GABRA4: variants seen among roughly 807,000 people sequenced by gnomAD.
GABRA4 encodes gamma-aminobutyric acid receptor subunit alpha-4.
GABRA4 carries 12 observed loss-of-function variants against 49.7 expected under a neutral mutation model. The observed-to-expected ratio is 0.24, with a 90% CI of 0.15 to 0.39. GABRA4 has a LOEUF of 0.39. Ranked by LOEUF, GABRA4 falls within the 10% of genes least tolerant of loss-of-function variation. The pLI is 1.00. For synonymous variants in GABRA4, 288 were observed against 240.2 expected (o/e 1.20, Z -1.84); for missense variants, 506 against 686.0 (o/e 0.74, Z 2.93).
In GABRA4 at chr4:46,927,119, T is replaced by C. The variant is rs1721257633; in HGVS notation, c.*1106A>G. 6.6e-6 allele frequency: 1 copy of C among 152,010 alleles called. No homozygotes were observed. Among genetic ancestry groups the C allele is most frequent in the Admixed American group, 6.6e-5 (1 of 15,232 alleles). 9.4% of individuals were successfully genotyped at this position (152,010 alleles called of 1,614,324 possible). A position where few individuals can be genotyped will look rare whatever the true frequency, so the allele number is the denominator to read the frequency against. On this transcript the variant is annotated 3_prime_UTR_variant, in exon 9 of 9. Transcript: ENST00000264318. ...GTGATTCTGATCAAATTCTACTCTG[T>C]GACTCTGATCAAATTTGCGACAGTT...
chr4:46,967,734 AT>A (rs1322103032), intron 7 of GABRA4, among the ~76,000 whole-genome samples: 2 of 151,682 alleles, frequency 1.3e-5, no homozygotes, highest in African/African-American at 4.8e-5. Context: ...ATTTTAAAAA[AT>A]ATATCCAATT....
chr4:46,952,318 A>G (rs950087586), intron 8 of GABRA4, among the ~76,000 whole-genome samples: 15 of 152,126 alleles, frequency 9.9e-5, no homozygotes, highest in Non-Finnish European at 2.2e-4. Flanking sequence ...AGTCAAGTAA[A>G]GAATCTAGGA....
intron 8 of GABRA4, among the ~76,000 whole-genome samples, chr4:46,953,982 C>G (rs1242939723): frequency 1.3e-5 from 2 of 152,048 alleles, no homozygotes; most frequent in African/African-American, 4.8e-5. Context: ...CTATGTAATT[C>G]TGGGCAAATC....
intron 8 of GABRA4, among the ~76,000 whole-genome samples, chr4:46,956,735 A>T (rs1472085313): frequency 6.6e-6 from 1 of 152,082 alleles, no homozygotes; most frequent in Non-Finnish European, 1.5e-5. Context: ...CAGGTAAAAA[A>T]AATTGCCATC....
chr4:46,920,169 G>A lies in GABRA4; in HGVS notation c.*8056C>T, dbSNP rs1267131778. 1 of 151,644 alleles carries A rather than the reference G, an allele frequency of 6.6e-6. No individual in the cohort carries two copies. Among genetic ancestry groups the A allele is most frequent in the African/African-American group, 2.4e-5 (1 of 41,404 alleles). The allele number at this position is 151,644 out of a possible 1,614,324, so 9.4% of individuals were successfully genotyped here. On this transcript the variant is annotated 3_prime_UTR_variant, in exon 9 of 9. Coordinates refer to ENST00000264318, the MANE Select transcript of GABRA4 (RefSeq NM_000809.4). The stretch of plus-strand genomic sequence containing the variant: ...TTAACTGAAATGCTATACATTGTCT[G>A]TTATCAGAGCTTCTTTTACTTCCCT...
At chr4:46,976,354 CAAAAAAAAAA>C (rs71193888) in intron 5 of GABRA4, among the ~76,000 whole-genome samples, 5 of 51,758 alleles carry the variant, frequency 9.7e-5, no homozygotes, top group East Asian at 7.3e-4. Context: ...CACCCATTCT[CAAAAAAAAAA>C]AAAAAAAAAA....
chr4:46,935,496 C>T lies in GABRA4; in HGVS notation c.1135-6741G>A, dbSNP rs549922133. 8.9e-4 allele frequency among the ~76,000 whole-genome samples: 135 copies of T among 152,090 alleles called. 1 individual carries two copies. In the Middle Eastern group the frequency reaches 0.024, roughly 27 times the overall value. ...GATATGTCACAGAAATAAATAATTA[C>T]GGGAAACAAAATTTTAGAAGACAAT... is the stretch of plus-strand genomic sequence containing the variant. On this transcript the variant is annotated intron_variant, in intron 8 of 8. Transcript: ENST00000264318.
chr4:46,971,334 A>C, intron 6 of GABRA4, 99 bp from the exon 7 acceptor site: 2 of 1,099,368 alleles, frequency 1.8e-6, no homozygotes, highest in Non-Finnish European at 2.7e-6. Flanking sequence ...GATTCTAAGG[A>C]AAGAAATTCT....
Position 46,928,409 on chromosome 4 carries a change from C to T in GABRA4, c.1481G>A (p.Gly494Glu). The T allele has an allele frequency of 1.2e-6, 2 of 1,613,630 alleles. No individual in the cohort carries two copies. Among genetic ancestry groups the T allele is most frequent in the Non-Finnish European group, 8.5e-7 (1 of 1,179,688 alleles). ...AGTAGCTGACAACTTCCCAGTAGCC[C>T]CTATGGTATTAACTGTGGTCTTTAT... The part of the protein sequence containing the change: ...QRIKTTVNTI[G>E]ATGKLSATPP... The change falls in exon 9 of 9, where the codon GGG (glycine) becomes GAG (glutamate). Residue 494 changes from glycine (G) to glutamate (E), a missense_variant. Gly to Glu is a moderately conservative substitution (Grantham distance 98). Transcript: ENST00000264318.
intron 8 of GABRA4, among the ~76,000 whole-genome samples, chr4:46,930,671 A>G (rs970359974): frequency 1.3e-5 from 2 of 151,850 alleles, no homozygotes; most frequent in African/African-American, 2.4e-5. Flanking sequence ...GTTGCATACC[A>G]TCTTCTTCTT....
At chr4:46,963,933 C>A (rs1198112938) in intron 8 of GABRA4, among the ~76,000 whole-genome samples, 1 of 151,830 alleles carries the variant, frequency 6.6e-6, no homozygotes, top group Admixed American at 6.6e-5. Flanking sequence ...GAAAGGAAAT[C>A]AGTATATCAG....
rs1722191105 is a variant in GABRA4, at chr4:46,952,013, AT to A, written c.1134+12956del. ...CAACAAAAAGCAATTAAAAGTATTT[AT>A]TTTTTAAAAGCTTGTTTTAGCCAAC... On this transcript the variant is annotated intron_variant, in intron 8 of 8. Coordinates refer to ENST00000264318, the MANE Select transcript of GABRA4 (RefSeq NM_000809.4). Among the ~76,000 whole-genome samples, 5 of 152,156 alleles carry A rather than the reference AT, an allele frequency of 3.3e-5. No individual in the cohort carries two copies. The South Asian group carries it at 1.0e-3, about 32-fold the overall frequency.
chr4:46,979,125 G>GA (rs1411818655), intron 2 of GABRA4, 27 bp from the exon 3 acceptor site: 3 of 1,437,412 alleles, frequency 2.1e-6, no homozygotes, highest in Non-Finnish European at 2.9e-6. Flanking sequence ...AAATAAGTGT[G>GA]AAAAAATAAT....
intron 7 of GABRA4, among the ~76,000 whole-genome samples, 195 bp from the exon 8 acceptor site, chr4:46,965,424 A>G (rs1004672017): frequency 1.3e-5 from 2 of 151,874 alleles, no homozygotes; most frequent in African/African-American, 4.8e-5. Flanking sequence ...TTGGAGTGAA[A>G]GATATGGTTC....
intron 7 of GABRA4, among the ~76,000 whole-genome samples, chr4:46,970,581 A>C (rs1003333744): frequency 9.2e-5 from 14 of 151,456 alleles, no homozygotes; most frequent in African/African-American, 3.4e-4. Flanking sequence ...GAAGTAAGTA[A>C]ATATATGAGC....
At chr4:46,982,060 C>T (rs866496904) in intron 2 of GABRA4, among the ~76,000 whole-genome samples, 7 of 152,128 alleles carry the variant, frequency 4.6e-5, no homozygotes, top group South Asian at 2.1e-4. Flanking sequence ...GAACACCTAC[C>T]CCTGAACTCG....
intron 3 of GABRA4, 38 bp downstream of exon 3, chr4:46,978,993 A>C (rs367599794): frequency 7.5e-7 from 1 of 1,338,576 alleles, no homozygotes; most frequent in African/African-American, 1.4e-5. Context: ...TGTTTTCTTC[A>C]AGTCTCAAAA....
At chr4:46,989,697 C>A (rs1260719257) in intron 2 of GABRA4, among the ~76,000 whole-genome samples, 2 of 152,198 alleles carry the variant, frequency 1.3e-5, no homozygotes, top group Non-Finnish European at 2.9e-5. Flanking sequence ...CAATTCAAAT[C>A]TTTGCTTTTA....
chr4:46,992,777 A>G, intron 2 of GABRA4, 51 bp downstream of exon 2: 1 of 1,280,406 alleles, frequency 7.8e-7, no homozygotes, highest in African/African-American at 1.5e-5. Context: ...AGACAGGAAG[A>G]CCAAGAGAGG....
Sources: gnomAD v4.1 joint callset for allele counts (sites outside exome capture counted in the v4.1 genomes callset) on GRCh38, gnomAD v4.1.1 for gene constraint, MANE v1.5 for transcripts, NCBI Gene and HGNC (gene_info 2026-07-23, HGNC 2026-07-21) for gene names.